PRKAG3: variants seen among roughly 807,000 people sequenced by gnomAD.
The protein encoded by PRKAG3 is 5'-AMP-activated protein kinase subunit gamma-3.
A neutral mutation model predicts 56.5 loss-of-function variants in PRKAG3; 39 were observed. The observed-to-expected ratio is 0.69, with a 90% CI of 0.53 to 0.90. The LOEUF (loss-of-function observed/expected upper bound fraction) is 0.90, where lower values mean the gene tolerates loss of function less well. Among genes scored for constraint, PRKAG3 ranks in the 40% least tolerant of loss-of-function variants. The probability of loss-of-function intolerance (pLI) is 0.00; values close to 1 mark genes in which losing one functional copy is unlikely to be tolerated. For synonymous variants in PRKAG3, 243 were observed against 250.1 expected, an observed-to-expected ratio of 0.97 and a Z score of 0.27; for missense variants, 628 against 627.5, an observed-to-expected ratio of 1.00 and a Z score of -0.01.
At chr2:218,830,822 C>T in exon 3 of PRKAG3, 2 of 1,613,700 alleles carry the variant, frequency 1.2e-6, no homozygotes. Flanking sequence ...CCCTCCGTTT[C>T]CCACGGATTC....
At position 218,830,996 on chromosome 2, in the gene PRKAG3, A is replaced by G. The variant is rs570333229; in HGVS notation, c.74-95T>C. Reference sequence around the variant, plus strand: ...TAATCTTTAGGATTTGCAAGCTTCCAATGGGCTTTTCTCCAACATATTTCT... The same window carrying G: ...TAATCTTTAGGATTTGCAAGCTTCCGATGGGCTTTTCTCCAACATATTTCT... On this transcript the variant is annotated intron_variant, in intron 2 of 12. Transcript: ENST00000529249. The G allele has an allele frequency of 1.9e-5, 27 of 1,406,504 alleles. No homozygotes were observed. In the African/African-American group the frequency reaches 3.5e-4, roughly 18 times the overall value. 87.1% of individuals were successfully genotyped at this position (1,406,504 alleles called of 1,614,324 possible).
chr2:218,824,627 C>T, intron 10 of PRKAG3, 51 bp from the exon 11 acceptor site: 2 of 1,511,668 alleles, frequency 1.3e-6, no homozygotes, highest in Non-Finnish European at 1.8e-6. Context: ...GGAAGAGGCT[C>T]CGGTCAGAAC....
At chr2:218,823,966 C>A in intron 12 of PRKAG3, 88 bp from the exon 13 acceptor site, 1 of 1,357,368 alleles carries the variant, frequency 7.4e-7, no homozygotes, top group Middle Eastern at 1.8e-4. Context: ...GGGAAACAAC[C>A]CAACATGACT....
intron 2 of PRKAG3, 65 bp downstream of exon 2, chr2:218,831,271 A>C: frequency 7.7e-7 from 1 of 1,304,268 alleles, no homozygotes; most frequent in Non-Finnish European, 1.1e-6. Context: ...TTGGGGTCCC[A>C]GAAAAGTGGG....
chr2:218,826,997 G>T (rs1454590834), exon 10 of PRKAG3: 2 of 1,614,040 alleles, frequency 1.2e-6, no homozygotes, highest in African/African-American at 1.3e-5. Context: ...GTCAGGATGG[G>T]TGCTGTCTCC....
rs745708775 is a variant in PRKAG3 at position 218,827,601 on chromosome 2, A to G, written c.849T>C (p.Pro283=). 6.2e-7 allele frequency: 1 copy of G among 1,614,094 alleles called. No individual in the cohort carries two copies. The highest frequency in any genetic ancestry group is 8.5e-7 in the Non-Finnish European group (1 of 1,179,980). Residue 283 remains proline (P), a synonymous_variant, in exon 8 of 13, where the codon CCT becomes CCC. Transcript: ENST00000529249. This position sits in a 1 kb window ranked among gnomAD's most constrained non-coding sequence, Gnocchi z 5.3. ...TATCATTAGGAGAGATGGAGACCAG[A>G]GGCTTGAAGCAGCCTTGCAGGTAGA...
intron 3 of PRKAG3, 129 bp from the exon 4 acceptor site, chr2:218,830,510 G>A: frequency 1.5e-6 from 2 of 1,299,492 alleles, no homozygotes; most frequent in Non-Finnish European, 2.1e-6. Flanking sequence ...CAGGTGAGGG[G>A]CTGACCTGAG....
At chr2:218,825,657 C>A (rs13415298) in intron 10 of PRKAG3, among the ~76,000 whole-genome samples, 152,170 of 152,170 alleles carry the variant, frequency 1, 76,085 homozygotes, top group Non-Finnish European at 1. Flanking sequence ...CAAAACAACA[C>A]CCAAAATACC....
At chr2:218,831,637 C>T in intron 1 of PRKAG3, 101 bp downstream of exon 1, 1 of 1,458,666 alleles carries the variant, frequency 6.9e-7, no homozygotes, top group East Asian at 2.4e-5. Flanking sequence ...AGACCAAACA[C>T]ACACCAGAAG....
chr2:218,830,692 T>C, intron 3 of PRKAG3, 54 bp downstream of exon 3: 1 of 1,587,602 alleles, frequency 6.3e-7, no homozygotes, highest in South Asian at 1.1e-5. Context: ...CAGGCTCCTC[T>C]GGGATTTCCC....
chr2:218,823,047 G>C (rs1384959120), downstream of PRKAG3: 1 of 977,186 alleles, frequency 1.0e-6, no homozygotes, highest in Non-Finnish European at 1.2e-6. Context: ...CACAGGTAGG[G>C]CAAGGGCAAT....
At chr2:218,830,608 G>T in intron 3 of PRKAG3, 138 bp downstream of exon 3, 1 of 1,208,856 alleles carries the variant, frequency 8.3e-7, no homozygotes, top group Non-Finnish European at 1.1e-6. Flanking sequence ...CTACTATGTA[G>T]GGAGACTGAG....
intron 10 of PRKAG3, 90 bp downstream of exon 10, chr2:218,826,838 G>A: frequency 6.5e-7 from 1 of 1,526,764 alleles, no homozygotes; most frequent in Admixed American, 1.7e-5. Flanking sequence ...CACAGGGATG[G>A]CATGAGAAAC....
chr2:218,831,380 G>T lies in PRKAG3; in HGVS notation c.34-5C>A. On this transcript the variant is annotated splice_polypyrimidine_tract_variant and splice_region_variant and intron_variant, in intron 1 of 12. Coordinates refer to ENST00000529249, the Ensembl canonical transcript of PRKAG3. ...AAGGCTGCTCCAGGAAGGGGTCTGT[G>T]GGGAGAAGAGTTTCTGAAGGAGTGG... 6.3e-7 allele frequency: 1 copy of T among 1,599,252 alleles called. No individual in the cohort carries two copies. Among genetic ancestry groups the T allele is most frequent in the Non-Finnish European group, 8.5e-7 (1 of 1,173,014 alleles).
intron 12 of PRKAG3, 88 bp from the exon 13 acceptor site, chr2:218,823,966 C>G (rs1943890855): frequency 7.4e-7 from 1 of 1,357,368 alleles, no homozygotes; most frequent in Non-Finnish European, 1.1e-6. Flanking sequence ...GGGAAACAAC[C>G]CAACATGACT....
intron 5 of PRKAG3, 87 bp from the exon 6 acceptor site, chr2:218,828,149 T>C: frequency 7.9e-7 from 1 of 1,258,620 alleles, no homozygotes; most frequent in Non-Finnish European, 1.1e-6. Context: ...ACCCTGCCAG[T>C]GTCCTTGTGC....
At chr2:218,825,906 G>A (rs550621392) in intron 10 of PRKAG3, among the ~76,000 whole-genome samples, 9 of 151,732 alleles carry the variant, frequency 5.9e-5, no homozygotes, top group South Asian at 2.1e-4. Flanking sequence ...AGAGGTGTGC[G>A]CCACCATGCC....
chr2:218,822,585 C>T (rs1169330372), downstream of PRKAG3: 1 of 152,218 alleles, frequency 6.6e-6, no homozygotes, highest in Non-Finnish European at 1.5e-5. Flanking sequence ...GGCCATCCAT[C>T]CCTGGAGACT....
In PRKAG3 at chr2:218,830,029, G is replaced by T. The variant is rs557210610; in HGVS notation, c.582C>A (p.Tyr194Ter). Reference sequence around the variant, plus strand: ...GCTTGGAGCTAGTTGCCATGGCATCGTAGCAGGTGTGCTCCTGCATGAAGC... The same window carrying T: ...GCTTGGAGCTAGTTGCCATGGCATCTTAGCAGGTGTGCTCCTGCATGAAGC... Residue 194 changes from tyrosine (Y) to a stop codon, truncating the protein, a stop_gained, in exon 4 of 13, where the codon TAC (tyrosine) becomes TAA (stop). Transcript: ENST00000529249. LOFTEE classifies it high-confidence loss of function. 46 of 1,614,072 alleles carry T rather than the reference G, an allele frequency of 2.8e-5. No individual in the cohort carries two copies. Among genetic ancestry groups the T allele is most frequent in the Non-Finnish European group, 3.9e-5 (46 of 1,180,034 alleles).
Sources: allele counts gnomAD v4.1 joint callset (sites outside exome capture counted in the v4.1 genomes callset), GRCh38; gene constraint gnomAD v4.1.1; non-coding constraint Gnocchi (gnomAD v3.1); transcripts MANE v1.5; gene names NCBI Gene and HGNC (gene_info 2026-07-23, HGNC 2026-07-21).